The following NAALADL2 variants were observed in gnomAD, a reference collection of about 807,000 sequenced individuals.
NAALADL2 encodes inactive N-acetylated-alpha-linked acidic dipeptidase-like protein 2.
In NAALADL2, 76 loss-of-function variants were observed where a neutral mutation model predicts 87.2. That is an observed-to-expected ratio of 0.87 (90% CI 0.72 to 1.05). NAALADL2 has a LOEUF of 1.05. Among genes scored for constraint, NAALADL2 ranks in the 50% least tolerant of loss-of-function variants. The probability of loss-of-function intolerance (pLI) is 0.00; values close to 1 mark genes in which losing one functional copy is unlikely to be tolerated. For missense variants in NAALADL2, 1,089 were observed against 945.8 expected, an observed-to-expected ratio of 1.15 and a Z score of -1.99; for synonymous variants, 354 against 331.0, an observed-to-expected ratio of 1.07 and a Z score of -0.75.
intron 5 of NAALADL2, among the ~76,000 whole-genome samples, chr3:175,346,439 A>T (rs1183790144): frequency 5.3e-5 from 8 of 152,012 alleles, no homozygotes; most frequent in Non-Finnish European, 2.9e-5. Context: ...GCACCAAAAA[A>T]CTTCATCCTT....
At chr3:174,588,159 G>A (rs192647362) in intron 2 of NAALADL2, among the ~76,000 whole-genome samples, 60 of 151,914 alleles carry the variant, frequency 3.9e-4, no homozygotes, top group Admixed American at 3.3e-3. Context: ...TTACTTGATC[G>A]TATCAGATAC....
intron 1 of NAALADL2, among the ~76,000 whole-genome samples, chr3:174,486,375 C>G (rs1717856801): frequency 6.6e-6 from 1 of 152,046 alleles, no homozygotes; most frequent in Admixed American, 6.6e-5. Flanking sequence ...TGATAGAGCT[C>G]CATTAAAATG....
chr3:174,645,309 G>C (rs1469935451), intron 2 of NAALADL2, among the ~76,000 whole-genome samples: 12 of 152,170 alleles, frequency 7.9e-5, no homozygotes, highest in Admixed American at 7.9e-4. Flanking sequence ...GGCCACGGTA[G>C]TCCCTAAAGT....
chr3:174,450,840 A>T, intron 1 of NAALADL2, among the ~76,000 whole-genome samples: 1 of 136,876 alleles, frequency 7.3e-6, no homozygotes, highest in Non-Finnish European at 1.5e-5. Flanking sequence ...ACTGCACTCC[A>T]GCCTGGGCAA....
intron 3 of NAALADL2, among the ~76,000 whole-genome samples, chr3:174,852,090 A>G (rs969458541): frequency 6.6e-6 from 1 of 152,140 alleles, no homozygotes; most frequent in African/African-American, 2.4e-5. Flanking sequence ...TAACTACCTT[A>G]CAAAACAGAA....
In NAALADL2 at chr3:175,266,632, C is replaced by T. The variant is rs373343716; in HGVS notation, c.939+10102C>T. On this transcript the variant is annotated intron_variant, in intron 4 of 13. Coordinates refer to ENST00000454872, the MANE Select transcript of NAALADL2 (RefSeq NM_207015.3). Reference sequence around the variant, plus strand: ...TAGATAAAATACTCCTATTAAACTCCTTTTATAATTCTTATACAAAGATAA... The same window carrying T: ...TAGATAAAATACTCCTATTAAACTCTTTTTATAATTCTTATACAAAGATAA... 9.9e-5 allele frequency among the ~76,000 whole-genome samples: 15 copies of T among 151,770 alleles called. No homozygotes were observed. The East Asian group carries it at 1.5e-3, about 16-fold the overall frequency.
Position 175,345,586 on chromosome 3 carries a change from T to C in NAALADL2, c.1090+21261T>C, listed in dbSNP as rs112602209. On this transcript the variant is annotated intron_variant, in intron 5 of 13. Coordinates refer to ENST00000454872, the MANE Select transcript of NAALADL2 (RefSeq NM_207015.3). ...GTGGTTTCTAAAATGGCACTGTTGG[T>C]GTTCCAGATTCTGGAAAGAGATCAC... Among the ~76,000 whole-genome samples the C allele has an allele frequency of 8.4e-3, 1,280 of 152,206 alleles. 14 individuals are homozygous for C. Among genetic ancestry groups the C allele is most frequent in the African/African-American group, 0.03 (1,227 of 41,538 alleles).
In NAALADL2 at chr3:175,228,428, C is replaced by T. The variant is rs145277943; in HGVS notation, c.546-5503C>T. On this transcript the variant is annotated intron_variant, in intron 2 of 13. Transcript: ENST00000454872. ...ATTTGTTAATAGATATTCTGAAAAA[C>T]GCATATATGCTGAATACATTATAAC... Among the ~76,000 whole-genome samples the T allele has an allele frequency of 3.3e-3, 493 of 151,350 alleles. 3 individuals are homozygous for T. The highest frequency in any genetic ancestry group is 0.011 in the African/African-American group (465 of 41,310).
chr3:174,594,797 G>A (rs1464287077), intron 2 of NAALADL2, among the ~76,000 whole-genome samples: 2 of 152,158 alleles, frequency 1.3e-5, no homozygotes, highest in Non-Finnish European at 2.9e-5. Context: ...CAATGATAAG[G>A]GGAAATGTAG....
chr3:174,698,041 A>C (rs1405173489), intron 2 of NAALADL2, among the ~76,000 whole-genome samples: 2 of 152,168 alleles, frequency 1.3e-5, no homozygotes, highest in Non-Finnish European at 2.9e-5. Context: ...CAGTGAGCCA[A>C]GATCCTGCCA....
intron 2 of NAALADL2, among the ~76,000 whole-genome samples, chr3:174,697,055 GTTGT>G (rs1320067260): frequency 6.6e-6 from 1 of 152,074 alleles, no homozygotes; most frequent in African/African-American, 2.4e-5. Context: ...TCATTTGCCA[GTTGT>G]TTGGCAAATA....
intron 4 of NAALADL2, among the ~76,000 whole-genome samples, chr3:175,301,092 G>A (rs55995004): frequency 0.18 from 27,427 of 151,938 alleles, 2,738 homozygotes; most frequent in African/African-American, 0.26. Flanking sequence ...TCGTGTCTCT[G>A]TCTCTTTCAG....
intron 10 of NAALADL2, among the ~76,000 whole-genome samples, chr3:175,610,488 A>G (rs1724476041): frequency 6.6e-6 from 1 of 152,140 alleles, no homozygotes; most frequent in African/African-American, 2.4e-5. Context: ...TGGCTATGAT[A>G]CTTTATTCTC....
intron 1 of NAALADL2, among the ~76,000 whole-genome samples, chr3:174,920,992 T>C (rs1735097614): frequency 6.6e-6 from 1 of 152,172 alleles, no homozygotes; most frequent in Non-Finnish European, 1.5e-5. Context: ...CACATGGTCA[T>C]GGTCCATGGT....
intron 4 of NAALADL2, among the ~76,000 whole-genome samples, chr3:175,292,735 G>T (rs894290632): frequency 6.6e-6 from 1 of 151,784 alleles, no homozygotes; most frequent in Non-Finnish European, 1.5e-5. Context: ...AAGGTCTAGG[G>T]ACATAAAAAT....
intron 9 of NAALADL2, among the ~76,000 whole-genome samples, chr3:175,496,015 A>G (rs1374323486): frequency 6.6e-6 from 1 of 152,144 alleles, no homozygotes; most frequent in Non-Finnish European, 1.5e-5. Context: ...TTCAAGTGCC[A>G]TCTACTCTAA....
chr3:175,012,588 T>A (rs1437871395), intron 1 of NAALADL2, among the ~76,000 whole-genome samples: 1 of 152,196 alleles, frequency 6.6e-6, no homozygotes, highest in African/African-American at 2.4e-5. Context: ...TATATTTTTA[T>A]CCTTCTAGAA....
chr3:174,600,915 A>C (rs1718389333), intron 2 of NAALADL2, among the ~76,000 whole-genome samples: 1 of 152,142 alleles, frequency 6.6e-6, no homozygotes, highest in Non-Finnish European at 1.5e-5. Context: ...ATTCGACATG[A>C]GATTTGAGCA....
chr3:175,747,045 C>T (rs1746020735), intron 12 of NAALADL2, among the ~76,000 whole-genome samples: 1 of 152,204 alleles, frequency 6.6e-6, no homozygotes, highest in Non-Finnish European at 1.5e-5. Flanking sequence ...TGGTAATCCA[C>T]ACTTAGTTCA....
Sources: gnomAD v4.1 joint callset for allele counts (sites outside exome capture counted in the v4.1 genomes callset) on GRCh38, gnomAD v4.1.1 for gene constraint, MANE v1.5 for transcripts, NCBI Gene and HGNC (gene_info 2026-07-23, HGNC 2026-07-21) for gene names.